TRIOBP: variants seen among roughly 807,000 people sequenced by gnomAD.
The protein encoded by TRIOBP is TRIO and F-actin-binding protein.
TRIOBP carries 169 observed loss-of-function variants against 238.8 expected under a neutral mutation model. The observed-to-expected ratio is 0.71, with a 90% CI of 0.62 to 0.80. The LOEUF (loss-of-function observed/expected upper bound fraction) is 0.80, where lower values mean the gene tolerates loss of function less well. TRIOBP is among the 30% of genes least tolerant of loss of function. The pLI, the probability that TRIOBP is intolerant of heterozygous loss-of-function variation, is 0.00. For missense variants in TRIOBP, 2,838 were observed against 3,122.6 expected, an observed-to-expected ratio of 0.91 and a Z score of 2.17; for synonymous variants, 1,150 against 1,274.4, an observed-to-expected ratio of 0.90 and a Z score of 2.08.
chr22:37,707,207 C>T (rs1265077490), intron 3 of TRIOBP, among the ~76,000 whole-genome samples: 5 of 152,008 alleles, frequency 3.3e-5, no homozygotes, highest in Admixed American at 6.6e-5. Flanking sequence ...ATCCGGGAGG[C>T]GGAGGTTGCA....
chr22:37,746,015 C>T (rs1925213984), intron 11 of TRIOBP, among the ~76,000 whole-genome samples: 1 of 149,054 alleles, frequency 6.7e-6, no homozygotes, highest in African/African-American at 2.4e-5. Flanking sequence ...CCGCCACCGC[C>T]CTCCCTTCCC....
At chr22:37,764,495 C>T (rs1239152684) in intron 17 of TRIOBP, among the ~76,000 whole-genome samples, 1 of 152,180 alleles carries the variant, frequency 6.6e-6, no homozygotes, top group East Asian at 1.9e-4. Context: ...CAAGAGTTCC[C>T]CTGATAGGGA....
chr22:37,755,299 T>C (rs1313438544), intron 14 of TRIOBP, 109 bp downstream of exon 14: 1 of 1,188,356 alleles, frequency 8.4e-7, no homozygotes, highest in Non-Finnish European at 1.2e-6. Context: ...ATCCCTTCAC[T>C]CATTTACCCA....
At chr22:37,741,685 T>C (rs1040402506) in intron 11 of TRIOBP, among the ~76,000 whole-genome samples, 6 of 152,218 alleles carry the variant, frequency 3.9e-5, no homozygotes, top group African/African-American at 7.2e-5. Context: ...TCAGAGACAG[T>C]GTGCCCATTT....
chr22:37,704,833 G>A (rs531240739), intron 3 of TRIOBP, among the ~76,000 whole-genome samples: 5 of 150,564 alleles, frequency 3.3e-5, no homozygotes, highest in South Asian at 4.2e-4. Context: ...TTGAGGCACC[G>A]AAGCAGGAAG....
At position 37,734,750 on chromosome 22, in the gene TRIOBP, G is replaced by T. The variant is rs1924583272; in HGVS notation, c.4414G>T (p.Ala1472Ser). 1 of 1,611,630 alleles carries T rather than the reference G, an allele frequency of 6.2e-7. No homozygotes were observed. Among genetic ancestry groups the T allele is most frequent in the Non-Finnish European group, 8.5e-7 (1 of 1,179,412 alleles). ...CGEPSLGAAK[A>S]PEGAWGGTSR... The stretch of plus-strand genomic sequence containing the variant: ...AGAGCCCAGCCTGGGGGCAGCCAAA[G>T]CCCCGGAGGGAGCATGGGGGGGCAC... Residue 1472 changes from alanine (A) to serine (S), a missense_variant, in exon 9 of 24, where the codon GCC (alanine) becomes TCC (serine). Physicochemically the swap from Ala to Ser is moderately conservative, Grantham distance 99. Transcript: ENST00000644935.
At chr22:37,747,451 T>G (rs1246893507) in intron 11 of TRIOBP, among the ~76,000 whole-genome samples, 6 of 99,200 alleles carry the variant, frequency 6.0e-5, no homozygotes, top group African/African-American at 1.1e-4. Flanking sequence ...TGCGGAGGAG[T>G]GGGTGGGCTG....
At chr22:37,711,165 CTCTG>C (rs1923217915) in intron 4 of TRIOBP, among the ~76,000 whole-genome samples, 1 of 152,220 alleles carries the variant, frequency 6.6e-6, no homozygotes, top group South Asian at 2.1e-4. Flanking sequence ...GAGCAAGTTA[CTCTG>C]TCTTTCTGTG....
intron 11 of TRIOBP, chr22:37,750,877 A>G: frequency 2.5e-6 from 1 of 399,732 alleles, no homozygotes; most frequent in Admixed American, 2.7e-5. Flanking sequence ...GCAGGCAACC[A>G]GACACCTTGG....
intron 23 of TRIOBP, 92 bp downstream of exon 23, chr22:37,772,856 C>A (rs1251136319): frequency 1.3e-6 from 2 of 1,483,306 alleles, no homozygotes; most frequent in Non-Finnish European, 1.8e-6. Flanking sequence ...CAGGCCACTT[C>A]CTTCTTCTGG....
Position 37,774,009 on chromosome 22 carries a change from A to G in TRIOBP, c.*229A>G, listed in dbSNP as rs924494455. The G allele has an allele frequency of 3.3e-5, 2 of 60,704 alleles. No individual in the cohort carries two copies. The highest frequency in any genetic ancestry group is 9.6e-5 in the African/African-American group (2 of 20,892). The allele number at this position is 60,704 out of a possible 1,614,324, so 3.8% of individuals were successfully genotyped here. A position where few individuals can be genotyped will look rare whatever the true frequency, so the allele number is the denominator to read the frequency against. ...ATACACACACACACACACACACTGC[A>G]TATCTGAGCGCGCCCCTCGCACTGG... On this transcript the variant is annotated 3_prime_UTR_variant, in exon 24 of 24. Transcript: ENST00000644935.
chr22:37,746,864 C>T (rs1425840180), intron 11 of TRIOBP, among the ~76,000 whole-genome samples: 3 of 149,780 alleles, frequency 2.0e-5, no homozygotes, highest in African/African-American at 7.4e-5. Flanking sequence ...GTCGCGCTGA[C>T]CCGGGCCTGG....
chr22:37,710,627 A>G (rs1923188853), intron 4 of TRIOBP, 61 bp downstream of exon 4: 11 of 1,560,666 alleles, frequency 7.0e-6, no homozygotes, highest in Non-Finnish European at 9.5e-6. Context: ...CACCCTTCCC[A>G]TTTGCACTCC....
At position 37,701,477 on chromosome 22, in the gene TRIOBP, C is replaced by A. The variant is rs779284902; in HGVS notation, c.112C>A (p.Gln38Lys). 3.1e-6 allele frequency: 5 copies of A among 1,607,930 alleles called. No individual in the cohort carries two copies. The African/African-American group carries it at 6.7e-5, about 21-fold the overall frequency. The change falls in exon 3 of 24, where the codon CAG becomes AAG. Residue 38 changes from glutamine to lysine, a missense_variant and splice_region_variant. Gln to Lys is a moderately conservative substitution (Grantham distance 53). This residue lies in a region of TRIOBP where 535 missense variants were observed against 537.3 expected (regional missense o/e 1.00). Coordinates refer to ENST00000644935, the MANE Select transcript of TRIOBP (RefSeq NM_001039141.3). Reference protein sequence around the residue: ...HPEEAHGARYQELRSPSGAEV... With the variant: ...HPEEAHGARYKELRSPSGAEV... Reference sequence around the variant, plus strand: ...TGAGGAGGCCCATGGAGCAAGATACCAGGTGGGCCAGTTTTCCACGTGGTT... The same window carrying A: ...TGAGGAGGCCCATGGAGCAAGATACAAGGTGGGCCAGTTTTCCACGTGGTT...
intron 11 of TRIOBP, 165 bp from the exon 12 acceptor site, chr22:37,751,607 C>A: frequency 1.4e-6 from 1 of 706,114 alleles, no homozygotes; most frequent in African/African-American, 1.8e-5. Context: ...GCTGGGAGGC[C>A]TGCTTGGACT....
In TRIOBP at chr22:37,734,496, G is replaced by A. The variant is rs751575180; in HGVS notation, c.4160G>A (p.Arg1387Gln). 8.1e-6 allele frequency: 13 copies of A among 1,610,316 alleles called. No individual in the cohort carries two copies. In the Admixed American group the frequency reaches 8.4e-5, roughly 10 times the overall value. Residue 1387 changes from arginine to glutamine, a missense_variant, in exon 9 of 24, where the codon CGG (arginine) becomes CAG (glutamine). Coordinates refer to ENST00000644935, the MANE Select transcript of TRIOBP (RefSeq NM_001039141.3). ...CCTGAGAAGAGACCTGAGGGAGATC[G>A]GCAGCTCCAGGGGTCCCCGCTGCCC... ...WSPEKRPEGD[R>Q]QLQGSPLPPR... is the part of the protein sequence containing the mutation.
chr22:37,769,144 G>A lies in TRIOBP; in HGVS notation c.6692G>A (p.Arg2231His), dbSNP rs61729062. The change falls in exon 20 of 24, where the codon CGC becomes CAC. Residue 2231 changes from arginine (R) to histidine (H), a missense_variant. Around this residue, in one of 5 missense-constraint regions of TRIOBP, gnomAD observed 2,096 missense variants for 2,137.4 expected, o/e 0.98. Coordinates refer to ENST00000644935, the MANE Select transcript of TRIOBP (RefSeq NM_001039141.3). Reference sequence around the variant, plus strand: ...GCTGAGGAGCGCGAGCACACGCTGCGCCGCTGCCAGCAGGAGGGCCAGGAG... The same window carrying A: ...GCTGAGGAGCGCGAGCACACGCTGCACCGCTGCCAGCAGGAGGGCCAGGAG... ...RQAEEREHTLRRCQQEGQELL... is the reference protein window; with the variant it reads ...RQAEEREHTLHRCQQEGQELL... 36 of 1,612,020 alleles carry A rather than the reference G, an allele frequency of 2.2e-5. No homozygotes were observed. The East Asian group carries it at 3.6e-4, about 16-fold the overall frequency.
Position 37,755,614 on chromosome 22 carries a change from C to G in TRIOBP, c.5642C>G (p.Ala1881Gly), listed in dbSNP as rs143156359. Reference protein sequence around the residue: ...TSGIRRNWIEALRKTVRPTSA... With the variant: ...TSGIRRNWIEGLRKTVRPTSA... ...GGCATCCGGCGGAACTGGATCGAGG[C>G]TCTGAGAAAGACCGTACGTCCAACT... Residue 1881 changes from alanine (A) to glycine (G), a missense_variant, in exon 15 of 24, where the codon GCT (alanine) becomes GGT (glycine). Physicochemically the swap from Ala to Gly is moderately conservative, Grantham distance 60. Around this residue, in one of 5 missense-constraint regions of TRIOBP, gnomAD observed 2,096 missense variants for 2,137.4 expected, o/e 0.98. Transcript: ENST00000644935. 1.2e-6 allele frequency: 2 copies of G among 1,614,122 alleles called. No homozygotes were observed. The highest frequency in any genetic ancestry group is 2.2e-5 in the South Asian group (2 of 91,084).
intron 3 of TRIOBP, among the ~76,000 whole-genome samples, chr22:37,702,410 G>C (rs1004281039): frequency 6.6e-6 from 1 of 151,676 alleles, no homozygotes; most frequent in African/African-American, 2.4e-5. Context: ...CGCCATATTG[G>C]CCAGGCTGGT....
Sources: gnomAD v4.1 joint callset for allele counts (sites outside exome capture counted in the v4.1 genomes callset) on GRCh38, gnomAD v4.1.1 for gene constraint, gnomAD v4.1.1 regional missense constraint, MANE v1.5 for transcripts, NCBI Gene and HGNC (gene_info 2026-07-23, HGNC 2026-07-21) for gene names.